Variants in RTN1 observed in about 807,000 individuals in gnomAD.
The protein encoded by RTN1 is reticulon-1.
In RTN1, 25 loss-of-function variants were observed where a neutral mutation model predicts 65.5. The observed-to-expected ratio is 0.38, with a 90% CI of 0.28 to 0.53. The LOEUF is 0.53. Ranked by LOEUF, RTN1 falls within the 20% of genes least tolerant of loss-of-function variation. The probability of loss-of-function intolerance (pLI) is 0.79; values close to 1 mark genes in which losing one functional copy is unlikely to be tolerated. For missense variants in RTN1, 983 were observed against 1,025.4 expected (o/e 0.96, Z 0.57); for synonymous variants, 471 against 447.6 (o/e 1.05, Z -0.66).
chr14:59,731,680 C>G (rs1884899506), intron 2 of RTN1, among the ~76,000 whole-genome samples: 1 of 152,152 alleles, frequency 6.6e-6, no homozygotes, highest in Non-Finnish European at 1.5e-5. Context: ...AGTTCACTGG[C>G]AACTTCCCAA....
chr14:59,673,551 G>C (rs903272921), intron 3 of RTN1, among the ~76,000 whole-genome samples: 1 of 152,192 alleles, frequency 6.6e-6, no homozygotes, highest in Non-Finnish European at 1.5e-5. Flanking sequence ...CAGTGAGTAG[G>C]GGCCCAAAGG....
At chr14:59,607,221 G>A in intron 4 of RTN1, 64 bp downstream of exon 4, 1 of 1,444,492 alleles carries the variant, frequency 6.9e-7, no homozygotes, top group South Asian at 1.2e-5. Context: ...TCTGTGAGCT[G>A]AAATACAGGT....
chr14:59,661,780 C>T (rs957667255), intron 3 of RTN1, among the ~76,000 whole-genome samples: 3 of 152,128 alleles, frequency 2.0e-5, no homozygotes, highest in African/African-American at 7.2e-5. Flanking sequence ...TATGACAAAC[C>T]CACAACCAAT....
chr14:59,710,199 T>C (rs1396969053), intron 3 of RTN1, among the ~76,000 whole-genome samples: 2 of 151,846 alleles, frequency 1.3e-5, no homozygotes, highest in African/African-American at 2.4e-5. Context: ...TGCACCACCA[T>C]ACCTGGCCAA....
At chr14:59,783,738 G>C (rs1886198654) in intron 1 of RTN1, among the ~76,000 whole-genome samples, 1 of 152,156 alleles carries the variant, frequency 6.6e-6, no homozygotes. Context: ...AGGGGTATCA[G>C]ACACTGAGGG....
chr14:59,864,907 T>C (rs1887771454), intron 1 of RTN1, among the ~76,000 whole-genome samples: 1 of 88,952 alleles, frequency 1.1e-5, no homozygotes, highest in Non-Finnish European at 2.5e-5. Context: ...AAAATCAAGA[T>C]TTTTTTCATC....
At chr14:59,644,623 C>A (rs978230844) in intron 3 of RTN1, among the ~76,000 whole-genome samples, 1 of 152,210 alleles carries the variant, frequency 6.6e-6, no homozygotes, top group Non-Finnish European at 1.5e-5. Context: ...GGGGACTGAG[C>A]AGTGACAGTC....
chr14:59,722,846 G>T (rs189811618), intron 3 of RTN1, among the ~76,000 whole-genome samples: 1 of 149,844 alleles, frequency 6.7e-6, no homozygotes, highest in African/African-American at 2.5e-5. Flanking sequence ...TGCACAGGCT[G>T]GAGTGCAGTG....
rs1887828865 is a variant in RTN1, at chr14:59,868,088, A to G, written c.241+2302T>C. On this transcript the variant is annotated intron_variant, in intron 1 of 8. Coordinates refer to ENST00000267484, the MANE Select transcript of RTN1 (RefSeq NM_021136.3). The surrounding 1 kb of genome is among the most constrained non-coding windows in gnomAD (Gnocchi z 4.0). ...TCACCTGCTAACTTTGCTTATAGCAATAGAACTGCCAAAATAACAGACCAG... is the reference window on the plus strand; with the variant it reads ...TCACCTGCTAACTTTGCTTATAGCAGTAGAACTGCCAAAATAACAGACCAG... Among the ~76,000 whole-genome samples the G allele has an allele frequency of 6.6e-6, 1 of 152,274 alleles. No individual in the cohort carries two copies. Among genetic ancestry groups the G allele is most frequent in the Non-Finnish European group, 1.5e-5 (1 of 68,042 alleles).
chr14:59,661,443 A>G (rs2140207229), intron 3 of RTN1, among the ~76,000 whole-genome samples: 1 of 152,238 alleles, frequency 6.6e-6, no homozygotes, highest in South Asian at 2.1e-4. Context: ...GCAGAGACAC[A>G]ACAAAAAAGG....
intron 1 of RTN1, among the ~76,000 whole-genome samples, chr14:59,830,781 G>A (rs967429163): frequency 2.0e-5 from 3 of 152,146 alleles, no homozygotes; most frequent in Non-Finnish European, 4.4e-5. Context: ...TTCATAGGGT[G>A]GTTTTAAGGA....
chr14:59,708,923 A>G (rs1437999922), intron 3 of RTN1, among the ~76,000 whole-genome samples: 1 of 152,244 alleles, frequency 6.6e-6, no homozygotes, highest in Admixed American at 6.5e-5. Context: ...AGAACTTTCT[A>G]CTGCTCCATA....
chr14:59,610,022 C>T (rs574594671), intron 3 of RTN1: 84 of 708,132 alleles, frequency 1.2e-4, no homozygotes, highest in African/African-American at 1.0e-3. Flanking sequence ...ACTTGTGAGA[C>T]GTGAAGGGGC....
chr14:59,750,053 T>C (rs1479428147), intron 1 of RTN1, among the ~76,000 whole-genome samples: 1 of 57,170 alleles, frequency 1.7e-5, no homozygotes, highest in Non-Finnish European at 3.0e-5. Flanking sequence ...TATATTATAT[T>C]ATATACATAT....
intron 1 of RTN1, among the ~76,000 whole-genome samples, chr14:59,860,081 T>C (rs912142185): frequency 1.3e-5 from 2 of 152,226 alleles, no homozygotes; most frequent in Admixed American, 6.5e-5. Context: ...AGGAGCCAAA[T>C]GTGAATCCCC....
intron 3 of RTN1, among the ~76,000 whole-genome samples, chr14:59,655,604 G>A (rs1048036313): frequency 3.9e-5 from 6 of 152,176 alleles, no homozygotes; most frequent in African/African-American, 1.4e-4. Context: ...ACAGGGTGGT[G>A]GTAGTGGCAT....
intron 3 of RTN1, among the ~76,000 whole-genome samples, chr14:59,651,136 T>C (rs1022373840): frequency 4.6e-5 from 7 of 152,076 alleles, no homozygotes; most frequent in African/African-American, 1.7e-4. Context: ...CTTCAAACTA[T>C]ACTATGGGGC....
At chr14:59,739,646 G>A (rs1885077074) in intron 2 of RTN1, among the ~76,000 whole-genome samples, 1 of 152,074 alleles carries the variant, frequency 6.6e-6, no homozygotes, top group African/African-American at 2.4e-5. Flanking sequence ...TGTGAGTTGT[G>A]GTGGCCATAG....
At chr14:59,737,869 C>T (rs1289271192) in intron 2 of RTN1, among the ~76,000 whole-genome samples, 1 of 152,140 alleles carries the variant, frequency 6.6e-6, no homozygotes, top group Non-Finnish European at 1.5e-5. Flanking sequence ...ATACCTACAA[C>T]CATCTGATCT....
Sources: gnomAD v4.1 joint callset for allele counts (sites outside exome capture counted in the v4.1 genomes callset) on GRCh38, gnomAD v4.1.1 for gene constraint, Gnocchi (gnomAD v3.1) non-coding constraint, MANE v1.5 for transcripts, NCBI Gene and HGNC (gene_info 2026-07-23, HGNC 2026-07-21) for gene names.